The following SHC4 variants were observed in gnomAD, a reference collection of about 807,000 sequenced individuals.
SHC4 encodes SHC-transforming protein 4.
Under a neutral mutation model 69.4 loss-of-function variants are expected in SHC4, and 41 were observed. The ratio of observed to expected loss-of-function variants is 0.59; its 90% CI spans 0.46 to 0.77. The LOEUF (loss-of-function observed/expected upper bound fraction) is 0.77, where lower values mean the gene tolerates loss of function less well. SHC4 is among the 30% of genes least tolerant of loss of function. The pLI, the probability that SHC4 is intolerant of heterozygous loss-of-function variation, is 0.00. For synonymous variants in SHC4, 318 were observed against 299.3 expected (o/e 1.06, Z -0.64); for missense variants, 777 against 783.8 (o/e 0.99, Z 0.10).
chr15:48,872,721 T>G lies in SHC4; in HGVS notation c.841-579A>C, dbSNP rs115808691. Among the ~76,000 whole-genome samples the G allele has an allele frequency of 8.8e-3, 1,334 of 152,364 alleles. 21 individuals are homozygous for G. Among genetic ancestry groups the G allele is most frequent in the African/African-American group, 0.03 (1,259 of 41,588 alleles). Reference sequence around the variant, plus strand: ...TTGATTTCAGTCATTCACTACTAAATGTATCCTGAGTAAGGCACTAACATT... The same window carrying G: ...TTGATTTCAGTCATTCACTACTAAAGGTATCCTGAGTAAGGCACTAACATT... On this transcript the variant is annotated intron_variant, in intron 4 of 11. Coordinates refer to ENST00000332408, the MANE Select transcript of SHC4 (RefSeq NM_203349.4).
intron 1 of SHC4, among the ~76,000 whole-genome samples, chr15:48,941,201 C>T: frequency 6.6e-6 from 1 of 152,130 alleles, no homozygotes; most frequent in East Asian, 1.9e-4. Flanking sequence ...GAGTATAAGA[C>T]AGCAGCAGTC....
intron 1 of SHC4, among the ~76,000 whole-genome samples, chr15:48,928,952 G>A (rs1900904937): frequency 6.6e-6 from 1 of 152,182 alleles, no homozygotes; most frequent in South Asian, 2.1e-4. Context: ...GGGCCTCTGA[G>A]GTGTGTCATT....
chr15:48,950,440 T>C (rs1217724585), intron 1 of SHC4, among the ~76,000 whole-genome samples: 3 of 152,094 alleles, frequency 2.0e-5, no homozygotes, highest in Non-Finnish European at 4.4e-5. Context: ...ACTGTGTCTA[T>C]AGGCATATAT....
At chr15:48,940,098 GA>G (rs1224352447) in intron 1 of SHC4, among the ~76,000 whole-genome samples, 13 of 152,190 alleles carry the variant, frequency 8.5e-5, no homozygotes, top group African/African-American at 2.4e-4. Flanking sequence ...GGGCCCTGTC[GA>G]TTTTCTCAGT....
At chr15:48,945,437 T>C (rs1431018869) in intron 1 of SHC4, among the ~76,000 whole-genome samples, 1 of 152,174 alleles carries the variant, frequency 6.6e-6, no homozygotes, top group Non-Finnish European at 1.5e-5. Flanking sequence ...TATAGCACTA[T>C]TCATAATAGC....
At chr15:48,842,884 T>A (rs1407386286) in intron 10 of SHC4, among the ~76,000 whole-genome samples, 1 of 152,048 alleles carries the variant, frequency 6.6e-6, no homozygotes, top group African/African-American at 2.4e-5. Flanking sequence ...TGACCCGTGA[T>A]CATGCCACTG....
chr15:48,904,110 C>T (rs1027042603), intron 2 of SHC4, among the ~76,000 whole-genome samples: 17 of 152,110 alleles, frequency 1.1e-4, no homozygotes, highest in Admixed American at 1.0e-3. Flanking sequence ...GCATCTTAAA[C>T]CCAGGATTAA....
At chr15:48,878,249 G>C in intron 4 of SHC4, 1 of 1,611,846 alleles carries the variant, frequency 6.2e-7, no homozygotes, top group African/African-American at 1.3e-5. Context: ...GATGCCTGGC[G>C]AGGGTGACCT....
In SHC4 at chr15:48,878,584, GAGAACA is replaced by G. The variant is rs753869143; in HGVS notation, c.840+5658_840+5663del. The G allele has an allele frequency of 4.3e-6, 7 of 1,614,070 alleles. No individual in the cohort carries two copies. In the East Asian group the frequency reaches 1.6e-4, roughly 36 times the overall value. On this transcript the variant is annotated intron_variant, in intron 4 of 11. Coordinates refer to ENST00000332408, the MANE Select transcript of SHC4 (RefSeq NM_203349.4). ...TTGAAGAAGCCGACAAGATGTTTCT[GAGAACA>G]AGAGAACCAGCCCTGGATGGCGGGT...
At chr15:48,855,580 C>G (rs1470080973) in intron 8 of SHC4, among the ~76,000 whole-genome samples, 2 of 152,052 alleles carry the variant, frequency 1.3e-5, no homozygotes, top group African/African-American at 4.8e-5. Flanking sequence ...AACTAGGACA[C>G]AGAGTTGGCA....
At chr15:48,898,966 T>C (rs1047198763) in intron 2 of SHC4, among the ~76,000 whole-genome samples, 1 of 151,118 alleles carries the variant, frequency 6.6e-6, no homozygotes, top group Non-Finnish European at 1.5e-5. Context: ...ATATTCAAAA[T>C]ATTATGAAGG....
intron 5 of SHC4, among the ~76,000 whole-genome samples, chr15:48,869,209 G>A (rs1899619237): frequency 6.6e-6 from 1 of 152,216 alleles, no homozygotes; most frequent in Non-Finnish European, 1.5e-5. Flanking sequence ...TTTTTAAGTG[G>A]AGAAAGTATA....
Position 48,874,927 on chromosome 15 carries a change from T to G in SHC4, c.841-2785A>C, listed in dbSNP as rs113924479. On this transcript the variant is annotated intron_variant, in intron 4 of 11. Transcript: ENST00000332408. Reference sequence around the variant, plus strand: ...TTTACCACTCCCATCCATGTCTCTTTCCTGCACCATGCACTTTCTCGGTCA... The same window carrying G: ...TTTACCACTCCCATCCATGTCTCTTGCCTGCACCATGCACTTTCTCGGTCA... Among the ~76,000 whole-genome samples the G allele has an allele frequency of 8.6e-3, 1,316 of 152,316 alleles. 8 individuals are homozygous for G. The highest frequency in any genetic ancestry group is 0.013 in the Non-Finnish European group (901 of 68,022).
intron 2 of SHC4, among the ~76,000 whole-genome samples, chr15:48,896,505 G>T (rs891937171): frequency 6.6e-6 from 1 of 152,028 alleles, no homozygotes; most frequent in Non-Finnish European, 1.5e-5. Context: ...ATTTTTAGTA[G>T]AGATGGGATT....
rs1595740233 is a variant in SHC4, at chr15:48,873,519, C to T, written c.841-1377G>A. On this transcript the variant is annotated intron_variant, in intron 4 of 11. Transcript: ENST00000332408. The stretch of plus-strand genomic sequence containing the variant: ...CAACCCTTTGGGAGGCCGTGGCGGG[C>T]GGATCATGAGGTCAGGAGATTGAGA... Among the ~76,000 whole-genome samples, 5 of 152,080 alleles carry T rather than the reference C, an allele frequency of 3.3e-5. No homozygotes were observed. In the South Asian group the frequency reaches 6.2e-4, roughly 19 times the overall value.
At chr15:48,901,822 A>G (rs1209539386) in intron 2 of SHC4, among the ~76,000 whole-genome samples, 1 of 152,214 alleles carries the variant, frequency 6.6e-6, no homozygotes, top group African/African-American at 2.4e-5. Flanking sequence ...TATAAAAAGT[A>G]AGAATAATAA....
intron 2 of SHC4, among the ~76,000 whole-genome samples, chr15:48,920,603 A>G (rs1168913992): frequency 6.6e-6 from 1 of 152,206 alleles, no homozygotes; most frequent in Non-Finnish European, 1.5e-5. Context: ...ATAAAAATAG[A>G]TAAATGGCTG....
intron 11 of SHC4, among the ~76,000 whole-genome samples, chr15:48,833,043 T>C (rs1898833866): frequency 6.6e-6 from 1 of 152,232 alleles, no homozygotes; most frequent in African/African-American, 2.4e-5. Context: ...GATCTGTTTC[T>C]AGATATTTAT....
intron 1 of SHC4, among the ~76,000 whole-genome samples, chr15:48,930,844 CA>C (rs1408166649): frequency 1.3e-5 from 2 of 152,118 alleles, no homozygotes; most frequent in Non-Finnish European, 2.9e-5. Flanking sequence ...GAGTAAGAAA[CA>C]GGGACATTCC....
Sources: allele counts gnomAD v4.1 joint callset (sites outside exome capture counted in the v4.1 genomes callset), GRCh38; gene constraint gnomAD v4.1.1; transcripts MANE v1.5; gene names NCBI Gene and HGNC (gene_info 2026-07-23, HGNC 2026-07-21).